Variants in AGBL1 observed in about 807,000 individuals in gnomAD.
AGBL1 encodes the protein cytosolic carboxypeptidase 4.
AGBL1 carries 130 observed loss-of-function variants against 118.9 expected under a neutral mutation model. That is an observed-to-expected ratio of 1.09 (90% CI 0.95 to 1.26). The LOEUF (loss-of-function observed/expected upper bound fraction) is 1.26, where lower values mean the gene tolerates loss of function less well. Among genes scored for constraint, AGBL1 ranks in the 50% most tolerant of loss-of-function variants. AGBL1 has a pLI of 0.00. For synonymous variants in AGBL1, 555 were observed against 478.9 expected (o/e 1.16, Z -2.08); for missense variants, 1,584 against 1,298.1 (o/e 1.22, Z -3.38).
chr15:86,270,936 G>C (rs2079149756), intron 14 of AGBL1, among the ~76,000 whole-genome samples: 1 of 151,698 alleles, frequency 6.6e-6, no homozygotes, highest in African/African-American at 2.4e-5. Flanking sequence ...TCCTTTCCCA[G>C]CTTCTAGAGT....
intron 5 of AGBL1, among the ~76,000 whole-genome samples, chr15:86,214,301 A>G (rs1268647342): frequency 6.6e-6 from 1 of 152,234 alleles, no homozygotes; most frequent in Non-Finnish European, 1.5e-5. Context: ...AGAGTGGATT[A>G]TATCATAGGT....
chr15:86,729,700 T>C (rs1317432499), intron 22 of AGBL1, among the ~76,000 whole-genome samples: 1 of 152,232 alleles, frequency 6.6e-6, no homozygotes, highest in Non-Finnish European at 1.5e-5. Flanking sequence ...GTTGACTCCA[T>C]ATCTTTGCTA....
rs147678268 is a variant in AGBL1, at chr15:86,932,282, A to G, written c.3222-55705A>G. Among the ~76,000 whole-genome samples the G allele has an allele frequency of 1.4e-3, 207 of 152,338 alleles. 1 individual carries two copies. The highest frequency in any genetic ancestry group is 4.8e-3 in the African/African-American group (198 of 41,572). ...AACAACGAAGTAATTTCTAAACATG[A>G]TATTACTGCAAGGATAGACCTGACC... On this transcript the variant is annotated intron_variant, in intron 23 of 24. Coordinates refer to the AGBL1 transcript ENST00000441037.
intron 17 of AGBL1, among the ~76,000 whole-genome samples, chr15:86,326,245 A>G (rs2080181100): frequency 6.6e-6 from 1 of 152,006 alleles, no homozygotes; most frequent in African/African-American, 2.4e-5. Context: ...ATACCCTTTC[A>G]GTCTAGAAGA....
intron 1 of AGBL1, among the ~76,000 whole-genome samples, chr15:86,128,347 A>T (rs372902556): frequency 6.6e-6 from 1 of 152,122 alleles, no homozygotes; most frequent in Non-Finnish European, 1.5e-5. Flanking sequence ...AACCACCCCC[A>T]TGATTCAATG....
At chr15:86,662,522 G>GC (rs1387123938) in intron 21 of AGBL1, among the ~76,000 whole-genome samples, 1 of 152,198 alleles carries the variant, frequency 6.6e-6, no homozygotes, top group Non-Finnish European at 1.5e-5. Flanking sequence ...GAGAGATCTT[G>GC]CTGGAGAGTG....
intron 17 of AGBL1, among the ~76,000 whole-genome samples, chr15:86,388,984 C>T (rs1348899475): frequency 6.6e-6 from 1 of 152,130 alleles, no homozygotes; most frequent in African/African-American, 2.4e-5. Context: ...GTTGTAATAA[C>T]ATGGCATGAA....
intron 22 of AGBL1, among the ~76,000 whole-genome samples, chr15:86,699,842 G>A (rs1295637218): frequency 1.3e-5 from 2 of 151,950 alleles, no homozygotes; most frequent in Non-Finnish European, 2.9e-5. Flanking sequence ...TAGCTATTTT[G>A]TGAGATGCTA....
chr15:86,404,868 G>A (rs1337105034), intron 18 of AGBL1, among the ~76,000 whole-genome samples: 1 of 152,184 alleles, frequency 6.6e-6, no homozygotes, highest in East Asian at 1.9e-4. Flanking sequence ...GTCAATAAGT[G>A]TGTTAGTTAT....
At chr15:86,618,557 A>G (rs1443718223) in intron 21 of AGBL1, among the ~76,000 whole-genome samples, 1 of 152,218 alleles carries the variant, frequency 6.6e-6, no homozygotes, top group Non-Finnish European at 1.5e-5. Context: ...TCTGCATTTA[A>G]TTAGCTTTTC....
chr15:86,190,426 A>G (rs1252198870), intron 5 of AGBL1, among the ~76,000 whole-genome samples: 1 of 152,218 alleles, frequency 6.6e-6, no homozygotes, highest in African/African-American at 2.4e-5. Flanking sequence ...TATGATTTCA[A>G]GTAAACATCT....
intron 8 of AGBL1, among the ~76,000 whole-genome samples, chr15:86,257,540 T>C (rs1333923527): frequency 6.6e-6 from 1 of 152,232 alleles, no homozygotes; most frequent in Non-Finnish European, 1.5e-5. Context: ...ATGCCTTCTA[T>C]GGACTTTTGT....
In AGBL1 at chr15:86,988,297, G is replaced by A. The variant is rs571776247; in HGVS notation, c.3323+209G>A. On this transcript the variant is annotated intron_variant, in intron 24 of 24. Transcript: ENST00000441037. Reference sequence around the variant, plus strand: ...GATTTACATTCACACAAATGAATACGATTACTGGTTGTTCTGTATGCATAG... The same window carrying A: ...GATTTACATTCACACAAATGAATACAATTACTGGTTGTTCTGTATGCATAG... The A allele has an allele frequency of 7.6e-5, 40 of 524,708 alleles. No homozygotes were observed. The Admixed American group carries it at 1.1e-3, about 14-fold the overall frequency. 32.5% of individuals were successfully genotyped at this position (524,708 alleles called of 1,614,324 possible).
intron 23 of AGBL1, among the ~76,000 whole-genome samples, chr15:86,935,564 T>C (rs1454020156): frequency 3.3e-5 from 5 of 152,194 alleles, no homozygotes; most frequent in Admixed American, 3.3e-4. Flanking sequence ...CTAAAAACAC[T>C]GGGAGCCATA....
At chr15:86,422,039 G>A (rs763567447) in intron 18 of AGBL1, among the ~76,000 whole-genome samples, 9 of 151,916 alleles carry the variant, frequency 5.9e-5, no homozygotes, top group East Asian at 1.9e-4. Context: ...TTAGATCAAC[G>A]AGACAGAAAA....
intron 5 of AGBL1, among the ~76,000 whole-genome samples, chr15:86,177,276 C>T (rs1354268944): frequency 1.3e-5 from 2 of 152,084 alleles, no homozygotes; most frequent in African/African-American, 4.8e-5. Context: ...TACCTAATAA[C>T]AGAGCTTCAA....
chr15:86,938,039 T>A (rs560916784), intron 23 of AGBL1, among the ~76,000 whole-genome samples: 7 of 150,782 alleles, frequency 4.6e-5, no homozygotes, highest in Non-Finnish European at 1.0e-4. Flanking sequence ...GTATTTAGTC[T>A]CTTATTGTTC....
At chr15:86,438,690 C>A (rs975450046) in intron 18 of AGBL1, among the ~76,000 whole-genome samples, 3 of 138,588 alleles carry the variant, frequency 2.2e-5, no homozygotes, top group Non-Finnish European at 4.6e-5. Context: ...GAGGTGGAGT[C>A]TCGCTCTGTC....
intron 22 of AGBL1, among the ~76,000 whole-genome samples, chr15:86,897,134 T>C (rs534262308): frequency 6.6e-6 from 1 of 152,340 alleles, no homozygotes; most frequent in Non-Finnish European, 1.5e-5. Context: ...AAAATCAGTC[T>C]ATGTTTCTCA....
Sources: gnomAD v4.1 joint callset for allele counts (sites outside exome capture counted in the v4.1 genomes callset) on GRCh38, gnomAD v4.1.1 for gene constraint, MANE v1.5 for transcripts, NCBI Gene and HGNC (gene_info 2026-07-23, HGNC 2026-07-21) for gene names.